Variants in BANP observed in about 807,000 individuals in gnomAD.
BANP encodes BTG3 associated nuclear protein.
Under a neutral mutation model 68.1 loss-of-function variants are expected in BANP, and 11 were observed. The ratio of observed to expected loss-of-function variants is 0.16; its 90% CI spans 0.10 to 0.27. The LOEUF (loss-of-function observed/expected upper bound fraction) is 0.27. Ranked by LOEUF, BANP falls within the 10% of genes least tolerant of loss-of-function variation. BANP has a pLI of 1.00. For synonymous variants in BANP, 329 were observed against 303.2 expected, an observed-to-expected ratio of 1.09 and a Z score of -0.88; for missense variants, 504 against 722.7, an observed-to-expected ratio of 0.70 and a Z score of 3.47.
intron 13 of BANP, among the ~76,000 whole-genome samples, chr16:88,076,372 C>T (rs1048533533): frequency 5.3e-5 from 8 of 152,288 alleles, no homozygotes; most frequent in East Asian, 1.9e-4. Flanking sequence ...CTGGGTGTGC[C>T]GGAGCCTCCC....
At position 87,957,714 on chromosome 16, in the gene BANP, G is replaced by A. The variant is rs2058368403; in HGVS notation, c.-69+6199G>A. On this transcript the variant is annotated intron_variant, in intron 1 of 13. Transcript: ENST00000682872. The surrounding 1 kb of genome is among the most constrained non-coding windows in gnomAD (Gnocchi z 4.3). ...GGATGGAGCCGGGAGGGAGAACTGGGTGCGCGCTTGGCATTTCCTTGCCGG... is the reference window on the plus strand; with the variant it reads ...GGATGGAGCCGGGAGGGAGAACTGGATGCGCGCTTGGCATTTCCTTGCCGG... 6.6e-6 allele frequency among the ~76,000 whole-genome samples: 1 copy of A among 152,254 alleles called. No individual in the cohort carries two copies. The highest frequency in any genetic ancestry group is 1.5e-5 in the Non-Finnish European group (1 of 68,048).
chr16:88,029,793 G>C (rs2152727652), intron 8 of BANP, among the ~76,000 whole-genome samples: 1 of 152,312 alleles, frequency 6.6e-6, no homozygotes, highest in Non-Finnish European at 1.5e-5. Context: ...GAGAGGAGGG[G>C]ACAGGGAGAT....
chr16:88,037,852 A>G, intron 10 of BANP, 121 bp from the exon 11 acceptor site: 3 of 941,000 alleles, frequency 3.2e-6, no homozygotes, highest in South Asian at 1.4e-5. Flanking sequence ...GAATTTTTGC[A>G]GAACTGGGGT....
chr16:88,020,743 G>C (rs540793287), intron 7 of BANP, among the ~76,000 whole-genome samples: 1 of 152,360 alleles, frequency 6.6e-6, no homozygotes, highest in South Asian at 2.1e-4. Flanking sequence ...AGAAGACAGG[G>C]GCCTTGGATG....
chr16:88,065,869 G>T (rs2088412522), intron 12 of BANP, among the ~76,000 whole-genome samples: 1 of 152,112 alleles, frequency 6.6e-6, no homozygotes, highest in South Asian at 2.1e-4. Context: ...CAGCCCCACA[G>T]TGTCCCCAGC....
chr16:88,063,160 T>C (rs1365145674), intron 11 of BANP, among the ~76,000 whole-genome samples: 3 of 152,258 alleles, frequency 2.0e-5, no homozygotes, highest in Non-Finnish European at 4.4e-5. Flanking sequence ...GTGACTGTTC[T>C]CAGAGCACGC....
At chr16:87,993,942 G>A (rs754813515) in intron 4 of BANP, among the ~76,000 whole-genome samples, 9 of 152,068 alleles carry the variant, frequency 5.9e-5, no homozygotes, top group East Asian at 1.9e-4. Flanking sequence ...ATGCTTCTCC[G>A]GGCTCATTGT....
In BANP at chr16:87,957,800, G is replaced by C. The variant is rs2058386459; in HGVS notation, c.-69+6285G>C. On this transcript the variant is annotated intron_variant, in intron 1 of 13. Transcript: ENST00000682872. This position sits in a 1 kb window ranked among gnomAD's most constrained non-coding sequence, Gnocchi z 4.3. ...TTCACCTTTCACCAGATGACGCGGG[G>C]GGAATTGGGCCACGGTCCCTGCTGT... Among the ~76,000 whole-genome samples, 1 of 152,228 alleles carries C rather than the reference G, an allele frequency of 6.6e-6. No individual in the cohort carries two copies. The highest frequency in any genetic ancestry group is 1.5e-5 in the Non-Finnish European group (1 of 68,052).
chr16:88,005,433 A>G (rs567685499), intron 5 of BANP, among the ~76,000 whole-genome samples: 5 of 152,302 alleles, frequency 3.3e-5, no homozygotes, highest in Admixed American at 2.6e-4. Flanking sequence ...TCCACGGTAG[A>G]GGATGTTGAA....
chr16:88,035,748 C>A (rs950923926), intron 10 of BANP, among the ~76,000 whole-genome samples: 1 of 152,222 alleles, frequency 6.6e-6, no homozygotes, highest in Non-Finnish European at 1.5e-5. Flanking sequence ...TGGGGTCTGC[C>A]CCTGCGTAGG....
chr16:88,026,446 G>A (rs375758290), intron 7 of BANP, among the ~76,000 whole-genome samples: 54 of 152,320 alleles, frequency 3.5e-4, no homozygotes, highest in Middle Eastern at 3.4e-3. Context: ...GCCACTGTGC[G>A]CCAGAATGTT....
At chr16:88,010,925 C>T (rs188277139) in intron 6 of BANP, among the ~76,000 whole-genome samples, 76 of 152,382 alleles carry the variant, frequency 5.0e-4, no homozygotes, top group Non-Finnish European at 8.5e-4. Context: ...CATTTATTTA[C>T]AGAATTCATC....
rs1017965358 is a variant in BANP at position 88,002,541 on chromosome 16, A to G, written c.363-1754A>G. Among the ~76,000 whole-genome samples the G allele has an allele frequency of 6.6e-6, 1 of 152,010 alleles. No homozygotes were observed. The highest frequency in any genetic ancestry group is 1.5e-5 in the Non-Finnish European group (1 of 67,992). Reference sequence around the variant, plus strand: ...CACATTGAGATACTCGCTCAAGGAGAGTCATCTTTAGGCAACAGGACATTC... The same window carrying G: ...CACATTGAGATACTCGCTCAAGGAGGGTCATCTTTAGGCAACAGGACATTC... On this transcript the variant is annotated intron_variant, in intron 4 of 13. Coordinates refer to ENST00000682872, the MANE Select transcript of BANP (RefSeq NM_001386991.1). The surrounding 1 kb of genome is among the most constrained non-coding windows in gnomAD (Gnocchi z 4.6).
At chr16:88,066,715 T>C (rs4843785) in intron 12 of BANP, among the ~76,000 whole-genome samples, 37,115 of 152,182 alleles carry the variant, frequency 0.24, 5,566 homozygotes, top group African/African-American at 0.42. Context: ...ACTGAAAACA[T>C]TGAATCATTT....
At chr16:88,068,723 C>T (rs560218136) in intron 12 of BANP, among the ~76,000 whole-genome samples, 174 of 152,238 alleles carry the variant, frequency 1.1e-3, no homozygotes, top group African/African-American at 4.0e-3. Context: ...GAACTGAGTG[C>T]AGAACTCCTC....
chr16:87,992,363 C>G (rs1461875521), intron 4 of BANP, among the ~76,000 whole-genome samples: 1 of 152,200 alleles, frequency 6.6e-6, no homozygotes, highest in African/African-American at 2.4e-5. Flanking sequence ...CTGACCTCAG[C>G]AACGGAGCTG....
At position 88,024,206 on chromosome 16, in the gene BANP, A is replaced by G. The variant is rs192816542; in HGVS notation, c.896-3277A>G. Among the ~76,000 whole-genome samples, 931 of 152,248 alleles carry G rather than the reference A, an allele frequency of 6.1e-3. 32 individuals carry two copies. Among genetic ancestry groups the G allele is most frequent in the Admixed American group, 0.058 (881 of 15,300 alleles). ...CTTCCCGTCTCCCCGAGCACCTCTC[A>G]TGGGTTCTCAGGATCCAGTGAGGGC... is the stretch of plus-strand genomic sequence containing the variant. On this transcript the variant is annotated intron_variant, in intron 7 of 13. Coordinates refer to ENST00000682872, the MANE Select transcript of BANP (RefSeq NM_001386991.1).
chr16:88,051,238 CTG>C (rs1333680631), intron 11 of BANP, among the ~76,000 whole-genome samples: 1 of 152,212 alleles, frequency 6.6e-6, no homozygotes, highest in Non-Finnish European at 1.5e-5. Flanking sequence ...TCTGTGGAAA[CTG>C]TGCTTCCCTT....
At chr16:88,021,838 C>T (rs1482325858) in intron 7 of BANP, among the ~76,000 whole-genome samples, 3 of 152,196 alleles carry the variant, frequency 2.0e-5, no homozygotes, top group African/African-American at 7.2e-5. Context: ...ACCCAGGCAG[C>T]TCACGAGGGA....
Sources: allele counts gnomAD v4.1 joint callset (sites outside exome capture counted in the v4.1 genomes callset), GRCh38; gene constraint gnomAD v4.1.1; non-coding constraint Gnocchi (gnomAD v3.1); transcripts MANE v1.5; gene names NCBI Gene and HGNC (gene_info 2026-07-23, HGNC 2026-07-21).